SLC4A8: variants seen among roughly 807,000 people sequenced by gnomAD.
SLC4A8 encodes the protein solute carrier family 4 member 8, also known as electroneutral sodium bicarbonate exchanger 1.
In SLC4A8, 40 loss-of-function variants were observed where a neutral mutation model predicts 125.0. The observed-to-expected ratio is 0.32, with a 90% CI of 0.25 to 0.42. The LOEUF (loss-of-function observed/expected upper bound fraction) is 0.42, where lower values mean the gene tolerates loss of function less well. SLC4A8 is among the 10% of genes least tolerant of loss of function. SLC4A8 has a pLI of 1.00. For missense variants in SLC4A8, 863 were observed against 1,355.1 expected, an observed-to-expected ratio of 0.64 and a Z score of 5.70; for synonymous variants, 456 against 476.0, an observed-to-expected ratio of 0.96 and a Z score of 0.55.
At chr12:51,463,153 G>C (rs1469288107) in intron 10 of SLC4A8, among the ~76,000 whole-genome samples, 1 of 152,110 alleles carries the variant, frequency 6.6e-6, no homozygotes, top group East Asian at 1.9e-4. Context: ...CTGTGTATTA[G>C]ACAGCAGCCA....
rs573097729 is a variant in SLC4A8 at position 51,468,653 on chromosome 12, G to C, written c.1350-961G>C. On this transcript the variant is annotated intron_variant, in intron 11 of 24. Transcript: ENST00000453097. ...CAGGTGCCTGCAGTCCCAGCTACTC[G>C]GGAGGCTGAGGCAGGAGAATGGTGT... 4.6e-5 allele frequency among the ~76,000 whole-genome samples: 7 copies of C among 152,228 alleles called. No homozygotes were observed. The East Asian group carries it at 9.7e-4, about 21-fold the overall frequency.
intron 12 of SLC4A8, 92 bp from the exon 13 acceptor site, chr12:51,470,300 C>T: frequency 8.3e-7 from 1 of 1,201,708 alleles, no homozygotes; most frequent in Admixed American, 1.9e-5. Context: ...GCCATCAAGG[C>T]ACACAGGAGA....
chr12:51,468,005 G>A (rs1332164869), intron 11 of SLC4A8, among the ~76,000 whole-genome samples: 2 of 152,170 alleles, frequency 1.3e-5, no homozygotes, highest in Non-Finnish European at 2.9e-5. Flanking sequence ...GTTTGACATA[G>A]GAGTCAAAGT....
upstream of SLC4A8, among the ~76,000 whole-genome samples, chr12:51,423,066 T>C (rs1948826806): frequency 6.6e-6 from 1 of 152,238 alleles, no homozygotes; most frequent in South Asian, 2.1e-4. Flanking sequence ...TTTATTAGAT[T>C]GAATTAAAAG....
intron 1 of SLC4A8, among the ~76,000 whole-genome samples, chr12:51,428,352 A>G (rs1368326480): frequency 2.0e-5 from 3 of 152,174 alleles, no homozygotes; most frequent in African/African-American, 7.2e-5. Flanking sequence ...CTCACCTAGC[A>G]CAGTGCCTGG....
chr12:51,444,816 G>A (rs1949722154), intron 2 of SLC4A8, among the ~76,000 whole-genome samples: 1 of 152,216 alleles, frequency 6.6e-6, no homozygotes, highest in South Asian at 2.1e-4. Context: ...GTGACAGTGA[G>A]TAATTTAAAC....
intron 1 of SLC4A8, among the ~76,000 whole-genome samples, chr12:51,411,421 C>G (rs565233022): frequency 2.6e-5 from 4 of 152,186 alleles, no homozygotes; most frequent in Middle Eastern, 3.4e-3. Flanking sequence ...AACGCCATCT[C>G]TACTAAAAAT....
chr12:51,410,832 T>A (rs1948578287), intron 1 of SLC4A8, among the ~76,000 whole-genome samples: 1 of 151,858 alleles, frequency 6.6e-6, no homozygotes. Flanking sequence ...TGGTTTGGAT[T>A]TCCTATCTCT....
chr12:51,504,233 C>G, intron 23 of SLC4A8, 113 bp downstream of exon 23: 1 of 692,410 alleles, frequency 1.4e-6, no homozygotes, highest in Non-Finnish European at 2.6e-6. Flanking sequence ...GCTAAATATT[C>G]AGCCTCCCAG....
chr12:51,491,350 A>T (rs560862528), intron 19 of SLC4A8, among the ~76,000 whole-genome samples: 1 of 152,164 alleles, frequency 6.6e-6, no homozygotes, highest in Non-Finnish European at 1.5e-5. Context: ...ATAAGAGCAG[A>T]GTTAGAGGTT....
intron 7 of SLC4A8, among the ~76,000 whole-genome samples, chr12:51,458,971 C>A (rs1187804149): frequency 6.6e-6 from 1 of 152,168 alleles, no homozygotes; most frequent in Non-Finnish European, 1.5e-5. Flanking sequence ...TTCCTTCTCA[C>A]CCCCAGGGGT....
chr12:51,456,855 A>G (rs1950165943), intron 5 of SLC4A8, among the ~76,000 whole-genome samples: 1 of 152,142 alleles, frequency 6.6e-6, no homozygotes, highest in South Asian at 2.1e-4. Flanking sequence ...AATTTTTCTT[A>G]TAGATTTCTC....
chr12:51,482,005 TA>T (rs1951044767), intron 16 of SLC4A8, among the ~76,000 whole-genome samples: 1 of 152,216 alleles, frequency 6.6e-6, no homozygotes, highest in South Asian at 2.1e-4. Flanking sequence ...AGTTGGTATA[TA>T]AGATGACCTG....
intron 11 of SLC4A8, among the ~76,000 whole-genome samples, chr12:51,467,960 T>C (rs1473034200): frequency 6.6e-6 from 1 of 152,270 alleles, no homozygotes; most frequent in African/African-American, 2.4e-5. Flanking sequence ...AAACTTTTTA[T>C]GATTGTGTTA....
intron 1 of SLC4A8, among the ~76,000 whole-genome samples, chr12:51,406,894 G>A (rs1230354551): frequency 6.6e-6 from 1 of 152,252 alleles, no homozygotes; most frequent in East Asian, 1.9e-4. Flanking sequence ...TCTCCCTGCA[G>A]AAGCCGGGCA....
At chr12:51,480,771 T>C (rs1951007422) in intron 16 of SLC4A8, among the ~76,000 whole-genome samples, 1 of 152,218 alleles carries the variant, frequency 6.6e-6, no homozygotes, top group South Asian at 2.1e-4. Flanking sequence ...CAATGTTTCT[T>C]CAATATTTTG....
At chr12:51,424,037 C>CAAAAAAAAAAAAAAAAAAAAAAA (rs35611847), upstream of SLC4A8, among the ~76,000 whole-genome samples, 1 of 38,220 alleles carries the variant, frequency 2.6e-5, no homozygotes, top group Non-Finnish European at 4.5e-5. Flanking sequence ...ACTTCGTCTC[C>CAAAAAAAAAAAAAAAAAAAAAAA]AAAAAAAAAA....
chr12:51,401,760 C>T (rs1315751566), intron 1 of SLC4A8, among the ~76,000 whole-genome samples: 1 of 152,108 alleles, frequency 6.6e-6, no homozygotes, highest in Non-Finnish European at 1.5e-5. Context: ...GGGCACAGGC[C>T]TGGGGGTGCA....
intron 16 of SLC4A8, chr12:51,480,159 T>G (rs1381699847): frequency 1.6e-6 from 1 of 619,690 alleles, no homozygotes; most frequent in African/African-American, 2.0e-5. Flanking sequence ...CAGGATGGTC[T>G]CAATCTCTTG....
Sources: gnomAD v4.1 joint callset for allele counts (sites outside exome capture counted in the v4.1 genomes callset) on GRCh38, gnomAD v4.1.1 for gene constraint, MANE v1.5 for transcripts, NCBI Gene and HGNC (gene_info 2026-07-23, HGNC 2026-07-21) for gene names.